RIC1: variants seen among roughly 807,000 people sequenced by gnomAD.
RIC1 encodes guanine nucleotide exchange factor subunit RIC1.
Under a neutral mutation model 169.0 loss-of-function variants are expected in RIC1, and 88 were observed. The observed-to-expected ratio is 0.52, with a 90% CI of 0.44 to 0.62. RIC1 has a LOEUF of 0.62. Ranked by LOEUF, RIC1 falls within the 20% of genes least tolerant of loss-of-function variation. The probability of loss-of-function intolerance (pLI) is 0.00; values close to 1 mark genes in which losing one functional copy is unlikely to be tolerated. For missense variants in RIC1, 1,877 were observed against 1,725.5 expected (o/e 1.09, Z -1.56); for synonymous variants, 790 against 601.5 (o/e 1.31, Z -4.59).
chr9:5,735,521 C>A (rs1326912506), intron 7 of RIC1, among the ~76,000 whole-genome samples: 1 of 152,186 alleles, frequency 6.6e-6, no homozygotes, highest in African/African-American at 2.4e-5. Context: ...GCTTTTCAGT[C>A]ACCTCAGTTT....
intron 1 of RIC1, among the ~76,000 whole-genome samples, chr9:5,641,666 A>AT (rs1818257257): frequency 1.4e-5 from 2 of 145,040 alleles, no homozygotes; most frequent in African/African-American, 5.6e-5. Context: ...CTCCAAGCCC[A>AT]CTAATTCTTT....
chr9:5,736,241 T>C (rs543666605), intron 7 of RIC1, among the ~76,000 whole-genome samples: 1 of 152,300 alleles, frequency 6.6e-6, no homozygotes, highest in Non-Finnish European at 1.5e-5. Flanking sequence ...GTTGATCTAT[T>C]TGGGCAGGTA....
At chr9:5,695,584 T>A (rs955570443) in intron 3 of RIC1, among the ~76,000 whole-genome samples, 13 of 149,924 alleles carry the variant, frequency 8.7e-5, no homozygotes, top group Non-Finnish European at 1.6e-4. Flanking sequence ...TTTTTTTTTT[T>A]TTTTTTGAGA....
chr9:5,696,972 C>A (rs988858343), intron 3 of RIC1, among the ~76,000 whole-genome samples: 1 of 152,308 alleles, frequency 6.6e-6, no homozygotes, highest in East Asian at 1.9e-4. Flanking sequence ...TGTCCTAGGT[C>A]TTTAAGAAGG....
rs756768834 is a variant in RIC1 at position 5,713,924 on chromosome 9, C to T, written c.361C>T (p.His121Tyr). ...AAGTCCACAAATGAAGGGGACACCC[C>T]ATTTTAAGGAAGAACAGTGTGCTCC... is the stretch of plus-strand genomic sequence containing the variant. Reference protein sequence around the residue: ...KGSPQMKGTPHFKEEQCAPAL... With the variant: ...KGSPQMKGTPYFKEEQCAPAL... The change falls in exon 4 of 26, where the codon CAT becomes TAT. Residue 121 changes from histidine (H) to tyrosine (Y), a missense_variant. Coordinates refer to ENST00000414202, the MANE Select transcript of RIC1 (RefSeq NM_020829.4). The T allele has an allele frequency of 4.3e-6, 7 of 1,612,980 alleles. No individual in the cohort carries two copies. The highest frequency in any genetic ancestry group is 5.1e-6 in the Non-Finnish European group (6 of 1,179,252).
At chr9:5,679,795 A>G (rs1374122755) in intron 2 of RIC1, among the ~76,000 whole-genome samples, 2 of 152,198 alleles carry the variant, frequency 1.3e-5, no homozygotes, top group Non-Finnish European at 2.9e-5. Flanking sequence ...GACAGGGACA[A>G]TTTGACTTCC....
intron 4 of RIC1, among the ~76,000 whole-genome samples, chr9:5,715,672 A>G (rs1823191151): frequency 6.6e-6 from 1 of 152,224 alleles, no homozygotes; most frequent in African/African-American, 2.4e-5. Context: ...GTACTATCTC[A>G]TCTTTTATTT....
chr9:5,670,506 C>T (rs1159761410), intron 2 of RIC1, among the ~76,000 whole-genome samples: 3 of 152,110 alleles, frequency 2.0e-5, no homozygotes, highest in Non-Finnish European at 4.4e-5. Context: ...GTTGGTCTGC[C>T]ATGACCTACT....
intron 1 of RIC1, among the ~76,000 whole-genome samples, chr9:5,646,278 G>C (rs1263915044): frequency 1.3e-5 from 2 of 152,008 alleles, no homozygotes; most frequent in Non-Finnish European, 2.9e-5. Context: ...ATTTTTTGTT[G>C]AGTTGTAACG....
At chr9:5,772,782 A>G (rs755170468) in intron 24 of RIC1, 41 bp downstream of exon 24, 3 of 1,579,536 alleles carry the variant, frequency 1.9e-6, no homozygotes, top group East Asian at 2.2e-5. Flanking sequence ...ATGCCTACTC[A>G]GAGTATTTGG....
At chr9:5,678,901 A>G (rs1276675019) in intron 2 of RIC1, among the ~76,000 whole-genome samples, 2 of 152,026 alleles carry the variant, frequency 1.3e-5, no homozygotes, top group African/African-American at 4.8e-5. Flanking sequence ...TTGGTGTTTT[A>G]GACATGAAGT....
At chr9:5,631,837 C>T (rs1817730611) in intron 1 of RIC1, among the ~76,000 whole-genome samples, 1 of 151,994 alleles carries the variant, frequency 6.6e-6, no homozygotes, top group African/African-American at 2.4e-5. Flanking sequence ...TGAAAGTTTT[C>T]ATTTTGATTT....
chr9:5,648,506 A>G (rs569957743), intron 1 of RIC1, among the ~76,000 whole-genome samples: 22 of 152,252 alleles, frequency 1.4e-4, no homozygotes, highest in African/African-American at 5.1e-4. Context: ...TATCCCTTTG[A>G]TGTATTTATT....
At chr9:5,665,818 C>A (rs1310639087) in intron 2 of RIC1, among the ~76,000 whole-genome samples, 1 of 152,120 alleles carries the variant, frequency 6.6e-6, no homozygotes, top group Non-Finnish European at 1.5e-5. Context: ...TTTGGAAGCT[C>A]CTTCACAGGG....
intron 2 of RIC1, among the ~76,000 whole-genome samples, chr9:5,688,227 C>G (rs2130697648): frequency 6.6e-6 from 1 of 152,322 alleles, no homozygotes; most frequent in Middle Eastern, 3.4e-3. Flanking sequence ...TTGTCTTACT[C>G]TTCCTGGACT....
chr9:5,635,656 G>A (rs938452171), intron 1 of RIC1, among the ~76,000 whole-genome samples: 5 of 152,066 alleles, frequency 3.3e-5, no homozygotes, highest in African/African-American at 9.7e-5. Context: ...ATCTCTAATC[G>A]TAATCCTCAT....
In RIC1 at chr9:5,665,951, C is replaced by T. The variant is rs116735733; in HGVS notation, c.252+9261C>T. On this transcript the variant is annotated intron_variant, in intron 2 of 25. Coordinates refer to ENST00000414202, the MANE Select transcript of RIC1 (RefSeq NM_020829.4). The stretch of plus-strand genomic sequence containing the variant: ...CCCACTTAAAGAAGCAGTCTGGCTG[C>T]AGCAGGTGTGCTGTGTTGGGGATTC... Among the ~76,000 whole-genome samples the T allele has an allele frequency of 4.2e-3, 636 of 152,238 alleles. 7 individuals carry two copies. The highest frequency in any genetic ancestry group is 0.015 in the African/African-American group (609 of 41,540).
At chr9:5,682,174 G>C (rs1164796099) in intron 2 of RIC1, among the ~76,000 whole-genome samples, 1 of 152,106 alleles carries the variant, frequency 6.6e-6, no homozygotes, top group Admixed American at 6.5e-5. Context: ...GGTTAATATT[G>C]TTATGTGTGA....
At chr9:5,742,263 C>T (rs1184235440) in intron 8 of RIC1, among the ~76,000 whole-genome samples, 2 of 152,174 alleles carry the variant, frequency 1.3e-5, no homozygotes, top group African/African-American at 2.4e-5. Flanking sequence ...CTGTTCCTAA[C>T]ATGCTGTGAG....
Sources: gnomAD v4.1 joint callset for allele counts (sites outside exome capture counted in the v4.1 genomes callset) on GRCh38, gnomAD v4.1.1 for gene constraint, MANE v1.5 for transcripts, NCBI Gene and HGNC (gene_info 2026-07-23, HGNC 2026-07-21) for gene names.